The following TMTC2 variants were observed in gnomAD, a reference collection of about 807,000 sequenced individuals.
The protein encoded by TMTC2 is transmembrane O-mannosyltransferase targeting cadherins 2, also known as protein O-mannosyl-transferase TMTC2.
A neutral mutation model predicts 82.4 loss-of-function variants in TMTC2; 43 were observed. The observed-to-expected ratio is 0.52, with a 90% CI of 0.41 to 0.67. The LOEUF is 0.67. Ranked by LOEUF, TMTC2 falls within the 30% of genes least tolerant of loss-of-function variation. TMTC2 has a pLI of 0.00. For missense variants in TMTC2, 919 were observed against 1,012.4 expected (o/e 0.91, Z 1.25); for synonymous variants, 408 against 381.9 (o/e 1.07, Z -0.80).
At chr12:83,011,858 TA>T (rs1592693179) in intron 8 of TMTC2, among the ~76,000 whole-genome samples, 2 of 152,248 alleles carry the variant, frequency 1.3e-5, no homozygotes, top group African/African-American at 2.4e-5. Context: ...AAATATTGCT[TA>T]TTTTTTTAGA....
At chr12:83,087,747 G>A (rs1883709604) in intron 11 of TMTC2, among the ~76,000 whole-genome samples, 1 of 152,140 alleles carries the variant, frequency 6.6e-6, no homozygotes, top group African/African-American at 2.4e-5. Flanking sequence ...TATTCAGTAG[G>A]CCATAGTGTA....
chr12:83,129,436 G>T (rs1885194959), intron 11 of TMTC2, among the ~76,000 whole-genome samples: 1 of 152,146 alleles, frequency 6.6e-6, no homozygotes, highest in Non-Finnish European at 1.5e-5. Context: ...CTTCCTGGAT[G>T]AGTTTTCTTA....
intron 2 of TMTC2, among the ~76,000 whole-genome samples, chr12:82,876,071 G>GGTGGT (rs1565788796): frequency 3.4e-5 from 4 of 119,114 alleles, no homozygotes; most frequent in African/African-American, 1.6e-4. Flanking sequence ...TGGTGGTGAT[G>GGTGGT]ATGATGATGG....
At chr12:82,979,863 A>G (rs1199178616) in intron 7 of TMTC2, among the ~76,000 whole-genome samples, 1 of 151,738 alleles carries the variant, frequency 6.6e-6, no homozygotes, top group African/African-American at 2.4e-5. Flanking sequence ...CACTGGATCC[A>G]CTATTCTAGG....
At chr12:82,947,532 C>T (rs368381310) in intron 4 of TMTC2, among the ~76,000 whole-genome samples, 8 of 142,044 alleles carry the variant, frequency 5.6e-5, no homozygotes, top group African/African-American at 1.5e-4. Context: ...TTAGTAGAGA[C>T]GGGGTTTCAC....
intron 11 of TMTC2, among the ~76,000 whole-genome samples, chr12:83,107,653 C>G (rs762026190): frequency 2.0e-5 from 3 of 152,098 alleles, no homozygotes; most frequent in Non-Finnish European, 4.4e-5. Context: ...TGTAAGTAAA[C>G]ATGGATAAGA....
At position 82,736,409 on chromosome 12, in the gene TMTC2, A is replaced by G. The variant is rs182727533; in HGVS notation, c.83+48740A>G. Among the ~76,000 whole-genome samples the G allele has an allele frequency of 2.7e-3, 416 of 152,246 alleles. 2 individuals carry two copies. Among genetic ancestry groups the G allele is most frequent in the African/African-American group, 9.4e-3 (392 of 41,562 alleles). On this transcript the variant is annotated intron_variant, in intron 1 of 11. Coordinates refer to ENST00000321196, the MANE Select transcript of TMTC2 (RefSeq NM_152588.3). ...CTTCCAGTATTAGTAAAGTCCCATT[A>G]TCATGTTCATATAGTAACACATCTG...
intron 4 of TMTC2, among the ~76,000 whole-genome samples, chr12:82,937,708 GTGTGTGTGTGTGTGTGTGTGGA>G (rs1876393686): frequency 2.4e-5 from 1 of 42,186 alleles, no homozygotes; most frequent in African/African-American, 4.6e-5. Flanking sequence ...AATGGTGTGT[GTGTGTGTGTGTGTGTGTGTGGA>G]TGTGTGTGTG....
intron 1 of TMTC2, among the ~76,000 whole-genome samples, chr12:82,854,805 T>C (rs972831272): frequency 6.6e-6 from 1 of 152,202 alleles, no homozygotes; most frequent in African/African-American, 2.4e-5. Context: ...TATTATTATA[T>C]GGATTAGCAT....
intron 3 of TMTC2, among the ~76,000 whole-genome samples, chr12:82,920,866 T>A (rs537047195): frequency 6.6e-6 from 1 of 152,132 alleles, no homozygotes; most frequent in Non-Finnish European, 1.5e-5. Flanking sequence ...TGGATAAATA[T>A]ACCAAAGTTC....
chr12:83,119,067 G>T (rs1477419217), intron 11 of TMTC2, among the ~76,000 whole-genome samples: 2 of 152,086 alleles, frequency 1.3e-5, no homozygotes, highest in Non-Finnish European at 2.9e-5. Context: ...CTTGCTAATG[G>T]TCTATCGATT....
chr12:82,689,907 C>T (rs79844673), intron 1 of TMTC2, among the ~76,000 whole-genome samples: 4,333 of 152,294 alleles, frequency 0.028, 158 homozygotes, highest in East Asian at 0.12. Flanking sequence ...GTGAATTATA[C>T]TTTGCTACAA....
chr12:82,935,736 C>A (rs999556535), intron 4 of TMTC2, among the ~76,000 whole-genome samples: 1 of 152,090 alleles, frequency 6.6e-6, no homozygotes, highest in Non-Finnish European at 1.5e-5. Context: ...ATTTAACATG[C>A]TATAATCAAT....
chr12:82,937,734 GTGT>G (rs1876402000), intron 4 of TMTC2, among the ~76,000 whole-genome samples: 1 of 24,234 alleles, frequency 4.1e-5, no homozygotes, highest in African/African-American at 1.3e-4. Context: ...GTGTGGATGT[GTGT>G]GTGTGTGTGT....
intron 1 of TMTC2, among the ~76,000 whole-genome samples, chr12:82,767,365 CT>C (rs1371758308): frequency 6.6e-6 from 1 of 152,156 alleles, no homozygotes; most frequent in Non-Finnish European, 1.5e-5. Flanking sequence ...CTAAGGATTG[CT>C]TGAGTCCAGG....
intron 11 of TMTC2, among the ~76,000 whole-genome samples, chr12:83,081,688 C>T (rs943133949): frequency 6.6e-6 from 1 of 152,068 alleles, no homozygotes; most frequent in Non-Finnish European, 1.5e-5. Flanking sequence ...GATAAAGCAA[C>T]ATACATTCAC....
intron 1 of TMTC2, among the ~76,000 whole-genome samples, chr12:82,790,293 G>A (rs1309219728): frequency 6.6e-6 from 1 of 151,986 alleles, no homozygotes; most frequent in Non-Finnish European, 1.5e-5. Context: ...CTGTAATTGT[G>A]AGGGGGTGGA....
At chr12:83,093,672 A>G (rs1212952918) in intron 11 of TMTC2, among the ~76,000 whole-genome samples, 1 of 152,158 alleles carries the variant, frequency 6.6e-6, no homozygotes, top group Non-Finnish European at 1.5e-5. Context: ...GAAGTAAATT[A>G]AGGTCTAGGA....
chr12:83,054,608 A>T (rs1882467908), intron 10 of TMTC2, among the ~76,000 whole-genome samples: 1 of 150,736 alleles, frequency 6.6e-6, no homozygotes, highest in Non-Finnish European at 1.5e-5. Flanking sequence ...TATGTCATTT[A>T]TATATATAGT....
Sources: gnomAD v4.1 joint callset for allele counts (sites outside exome capture counted in the v4.1 genomes callset) on GRCh38, gnomAD v4.1.1 for gene constraint, MANE v1.5 for transcripts, NCBI Gene and HGNC (gene_info 2026-07-23, HGNC 2026-07-21) for gene names.